The following LRIF1 variants were observed in gnomAD, a reference collection of about 807,000 sequenced individuals.
The protein encoded by LRIF1 is ligand dependent nuclear receptor interacting factor 1.
A neutral mutation model predicts 52.7 loss-of-function variants in LRIF1; 32 were observed. That is an observed-to-expected ratio of 0.61 (90% CI 0.46 to 0.82). The LOEUF (loss-of-function observed/expected upper bound fraction) is 0.82. Among genes scored for constraint, LRIF1 ranks in the 40% least tolerant of loss-of-function variants. The pLI, the probability that LRIF1 is intolerant of heterozygous loss-of-function variation, is 0.00. For missense variants in LRIF1, 887 were observed against 892.0 expected, an observed-to-expected ratio of 0.99 and a Z score of 0.07; for synonymous variants, 323 against 317.4, an observed-to-expected ratio of 1.02 and a Z score of -0.19.
chr1:110,936,097 C>A, the LRIF1 span, among the ~76,000 whole-genome samples: 2 of 152,118 alleles, frequency 1.3e-5, no homozygotes, highest in African/African-American at 2.4e-5. Context: ...GTATATTCAG[C>A]AAAAATATTC....
At chr1:110,905,577 G>T in the LRIF1 span, among the ~76,000 whole-genome samples, 2 of 151,844 alleles carry the variant, frequency 1.3e-5, no homozygotes, top group Non-Finnish European at 2.9e-5. Flanking sequence ...GACTTTCCCA[G>T]ACAAACAAAA....
At chr1:110,928,100 C>T in the LRIF1 span, among the ~76,000 whole-genome samples, 1 of 152,100 alleles carries the variant, frequency 6.6e-6, no homozygotes. Flanking sequence ...TTAAGTAACA[C>T]TAGTTTTGGC....
the LRIF1 span, among the ~76,000 whole-genome samples, chr1:110,886,220 C>T: frequency 3.9e-5 from 6 of 152,046 alleles, no homozygotes; most frequent in Admixed American, 2.0e-4. Context: ...GAAGTCTGCT[C>T]TTATCCTTAC....
the LRIF1 span, among the ~76,000 whole-genome samples, chr1:110,916,482 A>G: frequency 2.6e-5 from 4 of 152,136 alleles, no homozygotes. Flanking sequence ...AGTAAAACCT[A>G]ATTCGGTCAA....
At chr1:110,891,244 G>A in the LRIF1 span, 3 of 633,280 alleles carry the variant, frequency 4.7e-6, no homozygotes, top group Non-Finnish European at 8.5e-6. Context: ...TTTAGAACTA[G>A]GAAAGCGCAG....
At chr1:110,945,615 G>A (rs984728565), downstream of LRIF1, among the ~76,000 whole-genome samples, 8 of 152,252 alleles carry the variant, frequency 5.3e-5, no homozygotes, top group South Asian at 2.1e-4. Flanking sequence ...TAGTAGAGAC[G>A]GGGTTTCACC....
At chr1:110,928,378 A>G in the LRIF1 span, among the ~76,000 whole-genome samples, 1 of 152,206 alleles carries the variant, frequency 6.6e-6, no homozygotes. Context: ...TTCTTCCTTT[A>G]TTACTTCCTT....
chr1:110,914,257 C>T, the LRIF1 span, among the ~76,000 whole-genome samples: 1 of 151,970 alleles, frequency 6.6e-6, no homozygotes, highest in Non-Finnish European at 1.5e-5. Context: ...CCCAGCAACA[C>T]ACAATTTACC....
chr1:110,937,938 T>C, the LRIF1 span: 2 of 152,060 alleles, frequency 1.3e-5, no homozygotes, highest in Non-Finnish European at 2.9e-5. Context: ...AGCAACTATA[T>C]GCCAATAAAT....
At chr1:110,910,896 A>G in the LRIF1 span, among the ~76,000 whole-genome samples, 8 of 152,226 alleles carry the variant, frequency 5.3e-5, no homozygotes, top group Non-Finnish European at 1.0e-4. Context: ...CTACATCAAG[A>G]TGTTAGAAAG....
chr1:110,954,520 T>G (rs1658615885), intron 1 of LRIF1, among the ~76,000 whole-genome samples: 1 of 152,184 alleles, frequency 6.6e-6, no homozygotes, highest in South Asian at 2.1e-4. Context: ...TTTAATAAAT[T>G]AAAAGTTAAC....
the LRIF1 span, among the ~76,000 whole-genome samples, chr1:110,920,061 A>T: frequency 2.0e-5 from 3 of 152,226 alleles, no homozygotes; most frequent in Non-Finnish European, 4.4e-5. Flanking sequence ...TGCTTGGAGG[A>T]TGTGAAACAA....
the LRIF1 span, chr1:110,896,801 C>G: frequency 1.5e-6 from 2 of 1,368,858 alleles, no homozygotes; most frequent in Non-Finnish European, 2.1e-6. Flanking sequence ...TCGGAAACTG[C>G]AGTCATAGAG....
In LRIF1 at chr1:110,962,061, TACACACACAC is replaced by T. The variant is rs59351644; in HGVS notation, c.68+1550_68+1559del. ...AGAAACTGGATAACAGAGTTAAGGG[TACACACACAC>T]ACACACACACACACACACACACACA... On this transcript the variant is annotated intron_variant, in intron 1 of 3. Transcript: ENST00000369763. Among the ~76,000 whole-genome samples, 17 of 143,894 alleles carry T rather than the reference TACACACACAC, an allele frequency of 1.2e-4. No homozygotes were observed. The South Asian group carries it at 1.6e-3, about 13-fold the overall frequency. The allele number at this position is 143,894 out of a possible 152,430, so 94.4% of individuals were successfully genotyped here.
At chr1:110,900,583 T>C in the LRIF1 span, among the ~76,000 whole-genome samples, 14 of 151,956 alleles carry the variant, frequency 9.2e-5, no homozygotes, top group Non-Finnish European at 1.6e-4. Context: ...GCCAGGCTGG[T>C]CTTGAACTCC....
chr1:110,881,483 A>G, the LRIF1 span, among the ~76,000 whole-genome samples: 1 of 152,110 alleles, frequency 6.6e-6, no homozygotes, highest in East Asian at 1.9e-4. Context: ...TTATACCACT[A>G]TTTATTTATA....
the LRIF1 span, among the ~76,000 whole-genome samples, chr1:110,927,380 T>C: frequency 6.6e-6 from 1 of 152,024 alleles, no homozygotes; most frequent in Non-Finnish European, 1.5e-5. Context: ...AGTCAGGAAT[T>C]AAAAAAAGAT....
the LRIF1 span, chr1:110,897,614 C>A: frequency 2.1e-6 from 1 of 472,236 alleles, no homozygotes; most frequent in Non-Finnish European, 3.8e-6. Context: ...ATGATAACAC[C>A]ACCAGAAAAG....
intron 3 of LRIF1, 151 bp downstream of exon 3, chr1:110,949,700 T>G: frequency 1.1e-6 from 1 of 890,512 alleles, no homozygotes; most frequent in Non-Finnish European, 1.7e-6. Flanking sequence ...GGCCTGGTTG[T>G]TTTAAATATC....
Sources: gnomAD v4.1 joint callset for allele counts (sites outside exome capture counted in the v4.1 genomes callset) on GRCh38, gnomAD v4.1.1 for gene constraint, MANE v1.5 for transcripts, NCBI Gene and HGNC (gene_info 2026-07-23, HGNC 2026-07-21) for gene names.